MYO16: variants seen among roughly 807,000 people sequenced by gnomAD.
MYO16 encodes unconventional myosin-XVI.
Under a neutral mutation model 205.3 loss-of-function variants are expected in MYO16, and 94 were observed. That is an observed-to-expected ratio of 0.46 (90% CI 0.39 to 0.54). The LOEUF is 0.54. Ranked by LOEUF, MYO16 falls within the 20% of genes least tolerant of loss-of-function variation. MYO16 has a pLI of 0.00. For synonymous variants in MYO16, 988 were observed against 954.0 expected, an observed-to-expected ratio of 1.04 and a Z score of -0.66; for missense variants, 2,315 against 2,387.5, an observed-to-expected ratio of 0.97 and a Z score of 0.63.
At chr13:108,631,044 C>T (rs149651910) in intron 1 of MYO16, among the ~76,000 whole-genome samples, 3 of 152,122 alleles carry the variant, frequency 2.0e-5, no homozygotes, top group African/African-American at 4.8e-5. Flanking sequence ...AGGCATGCAG[C>T]GTATTTAAGA....
At chr13:108,948,882 ACTCACAC>A (rs1470443143) in intron 16 of MYO16, among the ~76,000 whole-genome samples, 7 of 152,050 alleles carry the variant, frequency 4.6e-5, no homozygotes, top group Admixed American at 4.6e-4. Flanking sequence ...ACACACCCAC[ACTCACAC>A]CTCACACCTC....
intron 4 of MYO16, among the ~76,000 whole-genome samples, chr13:108,776,731 TG>T (rs1393935479): frequency 6.6e-6 from 1 of 152,210 alleles, no homozygotes; most frequent in East Asian, 1.9e-4. Context: ...GAGCTATCCT[TG>T]CACCAGTAAT....
At chr13:108,828,042 T>A (rs1356258622) in intron 9 of MYO16, among the ~76,000 whole-genome samples, 1 of 152,162 alleles carries the variant, frequency 6.6e-6, no homozygotes, top group Non-Finnish European at 1.5e-5. Context: ...AACTGATATT[T>A]TTTACTACAG....
intron 1 of MYO16, among the ~76,000 whole-genome samples, chr13:108,638,030 T>C (rs1880336234): frequency 6.6e-6 from 1 of 151,930 alleles, no homozygotes; most frequent in South Asian, 2.1e-4. Flanking sequence ...GTGAGAAAAA[T>C]AAAGGTGTTT....
At chr13:108,499,820 C>G in the MYO16 span, among the ~76,000 whole-genome samples, 7 of 152,110 alleles carry the variant, frequency 4.6e-5, no homozygotes, top group Non-Finnish European at 1.5e-5. Context: ...GTGACTTGTT[C>G]TTTGTAATTT....
At chr13:108,582,548 G>A in the MYO16 span, among the ~76,000 whole-genome samples, 1 of 152,224 alleles carries the variant, frequency 6.6e-6, no homozygotes, top group East Asian at 1.9e-4. Context: ...CGAATTCATA[G>A]TGTAAGTTCC....
intron 20 of MYO16, among the ~76,000 whole-genome samples, chr13:108,965,242 C>A (rs1883748006): frequency 6.6e-6 from 1 of 152,080 alleles, no homozygotes; most frequent in African/African-American, 2.4e-5. Flanking sequence ...ACTCTAAGAA[C>A]AGGTAAGGCA....
chr13:108,761,977 G>A (rs1407053884), intron 4 of MYO16, among the ~76,000 whole-genome samples: 3 of 152,210 alleles, frequency 2.0e-5, no homozygotes, highest in East Asian at 1.9e-4. Flanking sequence ...GTTGTTATTC[G>A]TTAAGTACTT....
chr13:109,023,363 AAT>A (rs1192721489), intron 23 of MYO16, among the ~76,000 whole-genome samples: 1 of 67,508 alleles, frequency 1.5e-5, no homozygotes, highest in African/African-American at 5.9e-5. Context: ...TACAGATATA[AAT>A]ATATATTTAT....
At chr13:108,655,691 C>T (rs1219172986) in intron 1 of MYO16, among the ~76,000 whole-genome samples, 2 of 152,258 alleles carry the variant, frequency 1.3e-5, no homozygotes, top group East Asian at 3.9e-4. Flanking sequence ...GGGGCTATAC[C>T]CTGCAAAGCC....
intron 2 of MYO16, among the ~76,000 whole-genome samples, chr13:108,706,208 C>A (rs779251605): frequency 6.6e-6 from 1 of 152,046 alleles, no homozygotes; most frequent in Non-Finnish European, 1.5e-5. Flanking sequence ...AAGTGTAGGA[C>A]TAAAAAATAA....
intron 2 of MYO16, among the ~76,000 whole-genome samples, chr13:108,710,327 T>A (rs61969485): frequency 0.3 from 45,723 of 152,122 alleles, 6,994 homozygotes; most frequent in Middle Eastern, 0.43. Context: ...TTGCCTTGTA[T>A]ATTTCCCCCT....
intron 20 of MYO16, among the ~76,000 whole-genome samples, chr13:108,972,249 C>CTCTCTCTCTCTATATATATATA (rs1178345437): frequency 1.1e-3 from 3 of 2,850 alleles, no homozygotes; most frequent in Non-Finnish European, 1.8e-3. Context: ...CTCTCTCTCT[C>CTCTCTCTCTCTATATATATATA]TATATATATA....
At chr13:108,603,974 C>A (rs1452923448) in intron 1 of MYO16, among the ~76,000 whole-genome samples, 1 of 152,106 alleles carries the variant, frequency 6.6e-6, no homozygotes, top group Non-Finnish European at 1.5e-5. Context: ...ACTCACAGTT[C>A]TGCTTGGCTA....
intron 16 of MYO16, among the ~76,000 whole-genome samples, chr13:108,926,644 G>T (rs1882020440): frequency 6.6e-6 from 1 of 152,110 alleles, no homozygotes; most frequent in Non-Finnish European, 1.5e-5. Flanking sequence ...GAGACCAGCA[G>T]GCTAACATGG....
At chr13:109,020,652 A>G (rs1260862467) in intron 23 of MYO16, among the ~76,000 whole-genome samples, 3 of 152,106 alleles carry the variant, frequency 2.0e-5, no homozygotes, top group Non-Finnish European at 2.9e-5. Flanking sequence ...TATTAAATCC[A>G]TGTTTGTTTA....
chr13:108,798,747 G>T (rs1189723694), intron 6 of MYO16, among the ~76,000 whole-genome samples: 1 of 114,254 alleles, frequency 8.8e-6, no homozygotes, highest in East Asian at 2.8e-4. Flanking sequence ...CGCCCAGGCC[G>T]GACTGCGGAC....
intron 10 of MYO16, among the ~76,000 whole-genome samples, chr13:108,846,493 C>G (rs1877527423): frequency 4.9e-5 from 7 of 144,030 alleles, no homozygotes; most frequent in Non-Finnish European, 1.5e-5. Flanking sequence ...TATATACACA[C>G]ACATACATGT....
At chr13:109,126,408 CA>C (rs1876253037) in intron 30 of MYO16, among the ~76,000 whole-genome samples, 2 of 152,230 alleles carry the variant, frequency 1.3e-5, no homozygotes, top group Admixed American at 6.5e-5. Flanking sequence ...ATTATAAAAA[CA>C]AACGCTTGGA....
Sources: gnomAD v4.1 joint callset for allele counts (sites outside exome capture counted in the v4.1 genomes callset) on GRCh38, gnomAD v4.1.1 for gene constraint, MANE v1.5 for transcripts, NCBI Gene and HGNC (gene_info 2026-07-23, HGNC 2026-07-21) for gene names.